Variants in ATP8A1 observed in about 807,000 individuals in gnomAD.
ATP8A1 encodes phospholipid-transporting ATPase IA.
A neutral mutation model predicts 177.7 loss-of-function variants in ATP8A1; 90 were observed. The ratio of observed to expected loss-of-function variants is 0.51; its 90% CI spans 0.43 to 0.60. The LOEUF (loss-of-function observed/expected upper bound fraction) is 0.60, where lower values mean the gene tolerates loss of function less well. ATP8A1 is among the 20% of genes least tolerant of loss of function. ATP8A1 has a pLI of 0.00. For missense variants in ATP8A1, 1,072 were observed against 1,392.8 expected, an observed-to-expected ratio of 0.77 and a Z score of 3.67; for synonymous variants, 493 against 485.9, an observed-to-expected ratio of 1.01 and a Z score of -0.19.
intron 22 of ATP8A1, among the ~76,000 whole-genome samples, chr4:42,518,237 T>C (rs1397109849): frequency 6.6e-6 from 1 of 152,206 alleles, no homozygotes; most frequent in Non-Finnish European, 1.5e-5. Context: ...AAATTATTAT[T>C]TTAGGAAAAA....
Position 42,412,743 on chromosome 4 carries a change from T to C in ATP8A1, c.*173A>G, listed in dbSNP as rs1577880179. On this transcript the variant is annotated 3_prime_UTR_variant, in exon 37 of 37. Transcript: ENST00000381668. The stretch of plus-strand genomic sequence containing the variant: ...CAAAAGAGATGGTGTTACAGTACAG[T>C]TGCACAGTGCTTATGTCTATAATAT... 1.8e-6 allele frequency: 1 copy of C among 554,930 alleles called. No homozygotes were observed. The highest frequency in any genetic ancestry group is 3.0e-5 in the East Asian group (1 of 33,826). The allele number at this position is 554,930 out of a possible 1,614,324, so 34.4% of individuals were successfully genotyped here. A position where few individuals can be genotyped will look rare whatever the true frequency, so the allele number is the denominator to read the frequency against.
At chr4:42,564,120 G>A (rs1731121735) in intron 15 of ATP8A1, among the ~76,000 whole-genome samples, 1 of 152,156 alleles carries the variant, frequency 6.6e-6, no homozygotes, top group Non-Finnish European at 1.5e-5. Context: ...GAAAATTGAG[G>A]TTTGGAAACC....
chr4:42,416,144 A>G (rs1000747071), intron 35 of ATP8A1, among the ~76,000 whole-genome samples: 9 of 152,238 alleles, frequency 5.9e-5, no homozygotes, highest in Admixed American at 5.2e-4. Context: ...TCTACTCTTT[A>G]AATGATCTAG....
chr4:42,515,024 A>G (rs991225066), intron 22 of ATP8A1, among the ~76,000 whole-genome samples: 12 of 152,236 alleles, frequency 7.9e-5, no homozygotes, highest in African/African-American at 2.9e-4. Flanking sequence ...AAAAACTAAA[A>G]AAGATGAAAT....
chr4:42,585,810 G>C (rs1733559440), intron 9 of ATP8A1, among the ~76,000 whole-genome samples: 3 of 151,994 alleles, frequency 2.0e-5, no homozygotes, highest in African/African-American at 7.3e-5. Context: ...GAAGAAACAA[G>C]AGAGGCAGGA....
At chr4:42,555,447 T>C (rs973568111) in intron 16 of ATP8A1, among the ~76,000 whole-genome samples, 2 of 152,154 alleles carry the variant, frequency 1.3e-5, no homozygotes, top group Middle Eastern at 3.2e-3. Context: ...TGATGAATGA[T>C]AATATTAAAA....
rs757608421 is a variant in ATP8A1, at chr4:42,465,024, T to G, written c.2377A>C (p.Lys793Gln). 6.2e-7 allele frequency: 1 copy of G among 1,614,230 alleles called. No homozygotes were observed. Among genetic ancestry groups the G allele is most frequent in the Middle Eastern group, 1.6e-4 (1 of 6,062 alleles). ...EVVEMVKKQV[K>Q]VVTLAIGDGA... ...TCACCGATTGCAAGCGTTACGACTT[T>G]GACTTGTTTCTTAACCATCTCAACA... is the stretch of plus-strand genomic sequence containing the variant. The change falls in exon 26 of 37, where the codon AAA (lysine) becomes CAA (glutamine). Residue 793 changes from lysine to glutamine, a missense_variant. This residue lies in a region of ATP8A1 where 316 missense variants were observed against 459.1 expected (regional missense o/e 0.69). Transcript: ENST00000381668.
chr4:42,603,268 G>T (rs113665276), intron 5 of ATP8A1, among the ~76,000 whole-genome samples: 1 of 151,984 alleles, frequency 6.6e-6, no homozygotes, highest in African/African-American at 2.4e-5. Flanking sequence ...ATGTTTTGTA[G>T]TTTTCTGTGA....
chr4:42,495,085 C>A (rs770792911), intron 24 of ATP8A1, among the ~76,000 whole-genome samples: 20 of 152,162 alleles, frequency 1.3e-4, no homozygotes, highest in Non-Finnish European at 1.9e-4. Flanking sequence ...ATTTTATTAG[C>A]TGTTTTGGTG....
Position 42,435,461 on chromosome 4 carries a change from A to AAAAAAAAAAC in ATP8A1, c.3123+8103_3123+8104insGTTTTTTTTT, listed in dbSNP as rs1553871738. 1.3e-3 allele frequency among the ~76,000 whole-genome samples: 154 copies of AAAAAAAAAAC among 122,330 alleles called. 11 individuals carry two copies. The highest frequency in any genetic ancestry group is 2.0e-3 in the Non-Finnish European group (111 of 56,454). The allele number at this position is 122,330 out of a possible 152,430, so 80.3% of individuals were successfully genotyped here. A position where few individuals can be genotyped will look rare whatever the true frequency, so the allele number is the denominator to read the frequency against. On this transcript the variant is annotated intron_variant, in intron 33 of 36. Coordinates refer to ENST00000381668, the MANE Select transcript of ATP8A1 (RefSeq NM_006095.2). ...AAAAAAAAAAAAAACAAAAAAAAAA[A>AAAAAAAAAAC]AACAAACTATCTCCAGTTATGAGCT...
At chr4:42,579,357 T>C (rs917352540) in intron 11 of ATP8A1, among the ~76,000 whole-genome samples, 12 of 100,810 alleles carry the variant, frequency 1.2e-4, no homozygotes, top group African/African-American at 3.4e-4. Flanking sequence ...AAGTATATTT[T>C]ATTTAAGATA....
chr4:42,552,427 T>C (rs1163830972), intron 17 of ATP8A1, 78 bp downstream of exon 17: 3 of 1,226,400 alleles, frequency 2.4e-6, no homozygotes, highest in African/African-American at 3.1e-5. Context: ...AATTTGGCTA[T>C]CTTTTTAAAA....
intron 6 of ATP8A1, among the ~76,000 whole-genome samples, chr4:42,591,409 T>C (rs1734165414): frequency 6.6e-6 from 1 of 152,124 alleles, no homozygotes; most frequent in South Asian, 2.1e-4. Flanking sequence ...GTTAATTGAA[T>C]AAATATCTTA....
chr4:42,523,886 T>A (rs1726405648), intron 21 of ATP8A1, among the ~76,000 whole-genome samples: 1 of 152,230 alleles, frequency 6.6e-6, no homozygotes, highest in Admixed American at 6.5e-5. Flanking sequence ...TGTTTTGGCT[T>A]TTGTTTTTGC....
At chr4:42,584,124 A>C (rs537375605) in intron 9 of ATP8A1, among the ~76,000 whole-genome samples, 1 of 152,342 alleles carries the variant, frequency 6.6e-6, no homozygotes, top group South Asian at 2.1e-4. Context: ...CTAATAATGC[A>C]ATTACAAAAT....
rs776933336 is a variant in ATP8A1 at position 42,578,240 on chromosome 4, C to A, written c.1128+20G>T. 63 of 1,568,190 alleles carry A rather than the reference C, an allele frequency of 4.0e-5. No individual in the cohort carries two copies. The highest frequency in any genetic ancestry group is 2.3e-4 in the Admixed American group (12 of 52,698). The stretch of plus-strand genomic sequence containing the variant: ...ACAAAATTATTTTGTAGGGTGATAA[C>A]AATCATAATTCATATTTACCCAATT... On this transcript the variant is annotated intron_variant, in intron 12 of 36. Transcript: ENST00000381668.
At chr4:42,494,836 A>T (rs1026009505) in intron 24 of ATP8A1, among the ~76,000 whole-genome samples, 1 of 152,172 alleles carries the variant, frequency 6.6e-6, no homozygotes, top group African/African-American at 2.4e-5. Context: ...AAAATAATTA[A>T]TTATAAAGAC....
At chr4:42,643,492 C>G (rs1740213835) in intron 1 of ATP8A1, among the ~76,000 whole-genome samples, 2 of 152,110 alleles carry the variant, frequency 1.3e-5, no homozygotes, top group South Asian at 4.1e-4. Context: ...ATTTTTGACT[C>G]CTTTTTTTAA....
intron 14 of ATP8A1, among the ~76,000 whole-genome samples, chr4:42,570,781 G>A (rs1731825984): frequency 6.6e-6 from 1 of 152,134 alleles, no homozygotes; most frequent in African/African-American, 2.4e-5. Flanking sequence ...CATCTACCTG[G>A]TAAGTTCTTC....
Sources: allele counts gnomAD v4.1 joint callset (sites outside exome capture counted in the v4.1 genomes callset), GRCh38; gene constraint gnomAD v4.1.1; regional missense constraint gnomAD v4.1.1; transcripts MANE v1.5; gene names NCBI Gene and HGNC (gene_info 2026-07-23, HGNC 2026-07-21).